ADK: variants seen among roughly 807,000 people sequenced by gnomAD.
ADK encodes N6,N6-dimethyladenosine kinase.
In ADK, 24 loss-of-function variants were observed where a neutral mutation model predicts 44.7. The ratio of observed to expected loss-of-function variants is 0.54; its 90% confidence interval spans 0.39 to 0.76. The LOEUF is 0.76. Among genes scored for constraint, ADK ranks in the 30% least tolerant of loss-of-function variants. The probability of loss-of-function intolerance (pLI) is 0.00; values close to 1 mark genes in which losing one functional copy is unlikely to be tolerated. For missense variants in ADK, 321 were observed against 425.1 expected (o/e 0.76, Z 2.15); for synonymous variants, 128 against 142.6 (o/e 0.90, Z 0.73).
chr10:74,422,533 T>C (rs1450966487), intron 6 of ADK, among the ~76,000 whole-genome samples: 1 of 152,200 alleles, frequency 6.6e-6, no homozygotes, highest in Non-Finnish European at 1.5e-5. Flanking sequence ...TAATGTAAGA[T>C]GCTAAGATAG....
At chr10:74,258,251 A>G (rs565127825) in intron 3 of ADK, among the ~76,000 whole-genome samples, 77 of 152,266 alleles carry the variant, frequency 5.1e-4, no homozygotes, top group African/African-American at 1.8e-3. Context: ...ATAGTAAATG[A>G]CCACTAATAG....
chr10:74,621,167 C>T (rs1333026493), intron 9 of ADK, among the ~76,000 whole-genome samples: 1 of 152,098 alleles, frequency 6.6e-6, no homozygotes, highest in East Asian at 1.9e-4. Context: ...TGAAGTGTTT[C>T]CCTTATGTTT....
chr10:74,545,460 G>A (rs1461149342), intron 7 of ADK, among the ~76,000 whole-genome samples: 1 of 152,146 alleles, frequency 6.6e-6, no homozygotes, highest in East Asian at 1.9e-4. Context: ...CATCCTCTCT[G>A]GTTTCAGTCC....
chr10:74,512,178 C>T (rs1848359106), intron 6 of ADK, among the ~76,000 whole-genome samples: 1 of 152,058 alleles, frequency 6.6e-6, no homozygotes, highest in South Asian at 2.1e-4. Flanking sequence ...TTTTGAGACA[C>T]TGTTGGGTTC....
intron 1 of ADK, among the ~76,000 whole-genome samples, chr10:74,156,220 C>T (rs1355151463): frequency 6.6e-6 from 1 of 152,182 alleles, no homozygotes; most frequent in Non-Finnish European, 1.5e-5. Flanking sequence ...GACTATGTTT[C>T]TTATTTTGGG....
chr10:74,347,591 G>A lies in ADK; in HGVS notation c.273+32846G>A, dbSNP rs1438292669. On this transcript the variant is annotated intron_variant, in intron 4 of 10. Coordinates refer to ENST00000539909, the MANE Select transcript of ADK (RefSeq NM_006721.4). ...AGAACTGTTAACTCCCCTGGAAAGG[G>A]GGCTGAAGCCAGGGAGCCACGTGGT... Among the ~76,000 whole-genome samples, 6 of 152,186 alleles carry A rather than the reference G, an allele frequency of 3.9e-5. No homozygotes were observed. In the South Asian group the frequency reaches 6.2e-4, roughly 16 times the overall value.
chr10:74,703,331 A>C (rs1368932979), intron 10 of ADK, among the ~76,000 whole-genome samples: 2 of 151,868 alleles, frequency 1.3e-5, no homozygotes, highest in Non-Finnish European at 2.9e-5. Flanking sequence ...AGTACAAAAA[A>C]ATTAGCCAGG....
intron 7 of ADK, among the ~76,000 whole-genome samples, chr10:74,573,852 T>C (rs11817059): frequency 0.043 from 6,573 of 152,276 alleles, 439 homozygotes; most frequent in African/African-American, 0.14. Flanking sequence ...TTTTTAAGCC[T>C]GTTGGAAAAG....
intron 6 of ADK, among the ~76,000 whole-genome samples, chr10:74,479,547 T>G (rs945060151): frequency 6.6e-6 from 1 of 152,124 alleles, no homozygotes; most frequent in Non-Finnish European, 1.5e-5. Context: ...AAGCTGCTGA[T>G]ATATTTGGCC....
intron 9 of ADK, among the ~76,000 whole-genome samples, chr10:74,642,827 CT>C (rs770015945): frequency 0.022 from 1,723 of 77,494 alleles, 14 homozygotes; most frequent in African/African-American, 0.052. Flanking sequence ...ATCTTAAGTT[CT>C]TTTTTTTTTT....
chr10:74,441,246 A>G (rs1406139002), intron 6 of ADK, among the ~76,000 whole-genome samples: 1 of 152,200 alleles, frequency 6.6e-6, no homozygotes, highest in African/African-American at 2.4e-5. Context: ...ACCCACTAGG[A>G]TGTCTATAAT....
chr10:74,400,859 A>G (rs1249308188), intron 6 of ADK, among the ~76,000 whole-genome samples: 1 of 152,218 alleles, frequency 6.6e-6, no homozygotes, highest in East Asian at 1.9e-4. Flanking sequence ...TCTCCAAACT[A>G]GCAGTGTTTC....
At chr10:74,609,884 C>T (rs1029834581) in intron 9 of ADK, among the ~76,000 whole-genome samples, 10 of 151,796 alleles carry the variant, frequency 6.6e-5, no homozygotes, top group African/African-American at 1.5e-4. Context: ...AAGTATTTTC[C>T]GCTCACCCTG....
At chr10:74,492,765 A>G (rs1465624853) in intron 6 of ADK, among the ~76,000 whole-genome samples, 2 of 152,170 alleles carry the variant, frequency 1.3e-5, no homozygotes, top group African/African-American at 2.4e-5. Flanking sequence ...ATAAAATACT[A>G]TGGATATGAC....
chr10:74,521,178 A>T (rs1189277050), intron 6 of ADK, among the ~76,000 whole-genome samples: 1 of 152,192 alleles, frequency 6.6e-6, no homozygotes, highest in African/African-American at 2.4e-5. Flanking sequence ...TTGCGATCTA[A>T]CAGAGCATAA....
chr10:74,316,258 A>G (rs1840616159), intron 4 of ADK, among the ~76,000 whole-genome samples: 2 of 151,958 alleles, frequency 1.3e-5, no homozygotes, highest in Admixed American at 1.3e-4. Flanking sequence ...AAAAGAGAGA[A>G]AAAAAGGATG....
At chr10:74,702,276 C>T (rs1052330451) in intron 10 of ADK, among the ~76,000 whole-genome samples, 7 of 151,510 alleles carry the variant, frequency 4.6e-5, no homozygotes, top group Non-Finnish European at 5.9e-5. Context: ...CTCTGCATCC[C>T]GGATTCAAGC....
chr10:74,290,902 A>G (rs1336931496), intron 3 of ADK, among the ~76,000 whole-genome samples: 2 of 152,168 alleles, frequency 1.3e-5, no homozygotes, highest in Non-Finnish European at 2.9e-5. Flanking sequence ...GGAGCACTTC[A>G]TTCTACTGTG....
chr10:74,465,806 G>T (rs1846331912), intron 6 of ADK, among the ~76,000 whole-genome samples: 1 of 152,118 alleles, frequency 6.6e-6, no homozygotes, highest in Non-Finnish European at 1.5e-5. Context: ...TATGGGGAAA[G>T]TCTTGGTCTC....
Sources: gnomAD v4.1 joint callset for allele counts (sites outside exome capture counted in the v4.1 genomes callset) on GRCh38, gnomAD v4.1.1 for gene constraint, MANE v1.5 for transcripts, NCBI Gene and HGNC (gene_info 2026-07-23, HGNC 2026-07-21) for gene names.